NLRP11: variants seen among roughly 807,000 people sequenced by gnomAD.
NLRP11 encodes the protein NACHT, LRR and PYD domains-containing protein 11.
Under a neutral mutation model 79.3 loss-of-function variants are expected in NLRP11, and 53 were observed. The observed-to-expected ratio is 0.67, with a 90% CI of 0.54 to 0.84. NLRP11 has a LOEUF of 0.84. Among genes scored for constraint, NLRP11 ranks in the 40% least tolerant of loss-of-function variants. The pLI is 0.00. For missense variants in NLRP11, 1,264 were observed against 1,255.0 expected (o/e 1.01, Z -0.11); for synonymous variants, 518 against 462.6 (o/e 1.12, Z -1.54).
At chr19:55,802,746 C>G (rs299174) in intron 4 of NLRP11, among the ~76,000 whole-genome samples, 86 of 151,994 alleles carry the variant, frequency 5.7e-4, no homozygotes, top group Admixed American at 4.4e-3. Flanking sequence ...GGAGGCATCA[C>G]GCTACCTGAT....
intron 1 of NLRP11, among the ~76,000 whole-genome samples, chr19:55,826,490 G>A (rs1222676279): frequency 1.5e-5 from 2 of 132,448 alleles, no homozygotes; most frequent in East Asian, 2.6e-4. Context: ...GTTTGCAGAC[G>A]ACATGATTGT....
chr19:55,819,331 C>T (rs1271464783), intron 1 of NLRP11, among the ~76,000 whole-genome samples: 1 of 152,062 alleles, frequency 6.6e-6, no homozygotes, highest in South Asian at 2.1e-4. Flanking sequence ...GAAAATGCCA[C>T]CCAAAAAAGC....
At chr19:55,818,433 G>A (rs1476061335) in intron 1 of NLRP11, among the ~76,000 whole-genome samples, 197 bp from the exon 2 acceptor site, 1 of 152,160 alleles carries the variant, frequency 6.6e-6, no homozygotes, top group African/African-American at 2.4e-5. Flanking sequence ...TGTTAAGGTG[G>A]AACATCAGTT....
At chr19:55,794,121 C>T (rs1402133984) in intron 6 of NLRP11, among the ~76,000 whole-genome samples, 1 of 152,148 alleles carries the variant, frequency 6.6e-6, no homozygotes, top group Non-Finnish European at 1.5e-5. Context: ...CTACGAAAAA[C>T]TCCATGCCAA....
chr19:55,832,281 G>A (rs1165563328), upstream of NLRP11, among the ~76,000 whole-genome samples: 4 of 152,178 alleles, frequency 2.6e-5, no homozygotes, highest in Non-Finnish European at 5.9e-5. Flanking sequence ...GCAGTGCCGG[G>A]GGAAAGAAGT....
chr19:55,808,068 T>C, intron 3 of NLRP11, 54 bp from the exon 4 acceptor site: 2 of 1,198,420 alleles, frequency 1.7e-6, no homozygotes, highest in Non-Finnish European at 2.4e-6. Context: ...CTCCAGCAAT[T>C]TGTAAAACAT....
At chr19:55,832,980 C>T (rs773796987), upstream of NLRP11, 1 of 152,134 alleles carries the variant, frequency 6.6e-6, no homozygotes, top group Non-Finnish European at 1.5e-5. Flanking sequence ...ACTCTCTCCC[C>T]TTAAATCTAT....
intron 6 of NLRP11, among the ~76,000 whole-genome samples, chr19:55,795,390 G>A (rs1017300614): frequency 1.1e-4 from 16 of 152,202 alleles, no homozygotes; most frequent in African/African-American, 3.6e-4. Context: ...ACGACACCCA[G>A]TTCACGTGTT....
chr19:55,834,929 A>G (rs1261656756), upstream of NLRP11, among the ~76,000 whole-genome samples: 1 of 152,194 alleles, frequency 6.6e-6, no homozygotes, highest in Non-Finnish European at 1.5e-5. Flanking sequence ...ACCAGGAAAA[A>G]TAAAAAGAAA....
chr19:55,809,633 A>G lies in NLRP11; in HGVS notation c.977T>C (p.Val326Ala), dbSNP rs776742148. 6 of 1,614,200 alleles carry G rather than the reference A, an allele frequency of 3.7e-6. No individual in the cohort carries two copies. The highest frequency in any genetic ancestry group is 5.1e-6 in the Non-Finnish European group (6 of 1,180,026). ...ACCCACGAGTATTTCATCCTCATGT[A>G]CAAGCTGGAGGGCTGCCGACGCCCT... The change falls in exon 3 of 10, where the codon GTA becomes GCA. Residue 326 changes from valine (V) to alanine (A), a missense_variant. Physicochemically the swap from Val to Ala is moderately conservative, Grantham distance 64 (BLOSUM62 0). Transcript: ENST00000589093. This position sits in a 1 kb window ranked among gnomAD's most constrained non-coding sequence, Gnocchi z 4.5.
At chr19:55,793,938 G>A (rs1162919533) in intron 6 of NLRP11, among the ~76,000 whole-genome samples, 3 of 152,134 alleles carry the variant, frequency 2.0e-5, no homozygotes, top group Non-Finnish European at 4.4e-5. Flanking sequence ...CTATTTTCCA[G>A]CTGTCAGATT....
rs764602560 is a variant in NLRP11, at chr19:55,809,757, C to T, written c.853G>A (p.Val285Ile). The T allele has an allele frequency of 1.2e-6, 2 of 1,614,204 alleles. No individual in the cohort carries two copies. The highest frequency in any genetic ancestry group is 1.7e-6 in the Non-Finnish European group (2 of 1,180,032). ...TCTACCTCTTTCAAGAACGTTTTTACATTATTCCCACGTGTGGGCCTTGAG... is the reference window on the plus strand; with the variant it reads ...TCTACCTCTTTCAAGAACGTTTTTATATTATTCCCACGTGTGGGCCTTGAG... The change falls in exon 3 of 10, where the codon GTA becomes ATA. Residue 285 changes from valine to isoleucine, a missense_variant. Coordinates refer to ENST00000589093, the Ensembl canonical transcript of NLRP11. The surrounding 1 kb of genome is among the most constrained non-coding windows in gnomAD (Gnocchi z 4.5).
At chr19:55,808,692 G>C in intron 3 of NLRP11, 77 bp downstream of exon 3, 1 of 1,379,664 alleles carries the variant, frequency 7.2e-7, no homozygotes, top group Admixed American at 2.2e-5. Flanking sequence ...AGTTTGTCTT[G>C]TTCTGGTCAA....
chr19:55,820,852 G>A (rs1003890062), intron 1 of NLRP11, among the ~76,000 whole-genome samples: 8 of 152,132 alleles, frequency 5.3e-5, no homozygotes, highest in East Asian at 1.9e-4. Context: ...TACAGGTGTC[G>A]TGTTGGCTGA....
chr19:55,789,432 CCA>C (rs780731561), intron 7 of NLRP11, 33 bp from the exon 8 acceptor site: 46 of 1,571,492 alleles, frequency 2.9e-5, no homozygotes, highest in Non-Finnish European at 3.8e-5. Flanking sequence ...AGAGTCATGA[CCA>C]CCTGTCTCCA....
At chr19:55,796,180 G>T in exon 6 of NLRP11, 1 of 1,613,944 alleles carries the variant, frequency 6.2e-7, no homozygotes, top group Non-Finnish European at 8.5e-7. Flanking sequence ...AGTTTTCTCA[G>T]ACTCCCGCCA....
At chr19:55,789,026 AT>A in intron 8 of NLRP11, 49 bp from the exon 9 acceptor site, 1 of 1,602,166 alleles carries the variant, frequency 6.2e-7, no homozygotes, top group African/African-American at 1.3e-5. Flanking sequence ...TTGAGGAAAA[AT>A]GGCAGATGAG....
In NLRP11 at chr19:55,807,950, G is replaced by A. The variant is rs373403921; in HGVS notation, c.1906C>T (p.Arg636Trp). ...TCATTGTCAAAGATATGCAGCTCCCGGAGGCTCTCCATTGTATAAAAAAGA... is the reference window on the plus strand; with the variant it reads ...TCATTGTCAAAGATATGCAGCTCCCAGAGGCTCTCCATTGTATAAAAAAGA... Residue 636 changes from arginine to tryptophan, a missense_variant, in exon 4 of 10, where the codon CGG (arginine) becomes TGG (tryptophan). By Grantham distance (101) the Arg-to-Trp change is moderately radical. Coordinates refer to ENST00000589093, the Ensembl canonical transcript of NLRP11. The A allele has an allele frequency of 3.4e-5, 55 of 1,610,932 alleles. No homozygotes were observed. The highest frequency in any genetic ancestry group is 3.9e-5 in the Non-Finnish European group (46 of 1,177,274).
intron 2 of NLRP11, among the ~76,000 whole-genome samples, chr19:55,810,746 C>A (rs1343608243): frequency 6.6e-6 from 1 of 152,200 alleles, no homozygotes; most frequent in Non-Finnish European, 1.5e-5. Context: ...GATCCACCTG[C>A]CTTGGCTTCC....
Sources: allele counts gnomAD v4.1 joint callset (sites outside exome capture counted in the v4.1 genomes callset), GRCh38; gene constraint gnomAD v4.1.1; non-coding constraint Gnocchi (gnomAD v3.1); transcripts MANE v1.5; gene names NCBI Gene and HGNC (gene_info 2026-07-23, HGNC 2026-07-21).